Variants in GLIS3 observed in about 807,000 individuals in gnomAD.
GLIS3 encodes the protein zinc finger protein GLIS3.
In GLIS3, 53 loss-of-function variants were observed where a neutral mutation model predicts 78.6. That is an observed-to-expected ratio of 0.67 (90% CI 0.54 to 0.85). GLIS3 has a LOEUF of 0.85. GLIS3 is among the 40% of genes least tolerant of loss of function. GLIS3 has a pLI of 0.00. For synonymous variants in GLIS3, 684 were observed against 509.9 expected (o/e 1.34, Z -4.60); for missense variants, 1,703 against 1,231.1 (o/e 1.38, Z -5.74).
rs148129447 is a variant in GLIS3, at chr9:4,169,231, A to G, written c.389-43290T>C. ...GCAGACACAAGGAAAGCATGAGGAA[A>G]GTCATCAAGATTTCTACTTTGTATT... On this transcript the variant is annotated intron_variant, in intron 2 of 10. Transcript: ENST00000381971. 2.2e-4 allele frequency among the ~76,000 whole-genome samples: 33 copies of G among 152,336 alleles called. No homozygotes were observed. In the South Asian group the frequency reaches 4.8e-3, roughly 22 times the overall value.
Position 4,286,279 on chromosome 9 carries a change from G to T in GLIS3, c.147C>A (p.Pro49=), listed in dbSNP as rs764906256. ...GGTTGTTAGCAAGGCTTGCCATAGTGGGACTCGATGTGCTGCCACAGGGCG... is the reference window on the plus strand; with the variant it reads ...GGTTGTTAGCAAGGCTTGCCATAGTTGGACTCGATGTGCTGCCACAGGGCG... The part of the protein sequence containing the change: ...GPSPCGSTSS[P]TMASLANNLH... Residue 49 remains proline (P), a synonymous_variant, in exon 2 of 11, where the codon CCC becomes CCA. Transcript: ENST00000381971. 2 of 1,614,240 alleles carry T rather than the reference G, an allele frequency of 1.2e-6. No individual in the cohort carries two copies. Among genetic ancestry groups the T allele is most frequent in the East Asian group, 2.2e-5 (1 of 44,882 alleles).
chr9:4,454,080 T>C, the GLIS3 span, among the ~76,000 whole-genome samples: 80 of 151,080 alleles, frequency 5.3e-4, no homozygotes, highest in African/African-American at 1.7e-3. Flanking sequence ...TTGAGGTATA[T>C]TCCACATCTA....
chr9:4,047,433 A>G (rs193227418), intron 4 of GLIS3, among the ~76,000 whole-genome samples: 1 of 152,264 alleles, frequency 6.6e-6, no homozygotes, highest in Non-Finnish European at 1.5e-5. Flanking sequence ...TTTTTATATT[A>G]CTTTTTTAGA....
chr9:4,477,122 C>G, the GLIS3 span, among the ~76,000 whole-genome samples: 1 of 152,034 alleles, frequency 6.6e-6, no homozygotes, highest in Non-Finnish European at 1.5e-5. Context: ...TCCATATTCA[C>G]AGCATTATTA....
At chr9:4,162,230 A>T (rs1835538308) in intron 2 of GLIS3, among the ~76,000 whole-genome samples, 1 of 152,158 alleles carries the variant, frequency 6.6e-6, no homozygotes, top group South Asian at 2.1e-4. Flanking sequence ...TTTTTTAAGA[A>T]CATCAATTAC....
chr9:4,075,355 T>A (rs991145047), intron 4 of GLIS3, among the ~76,000 whole-genome samples: 1 of 146,948 alleles, frequency 6.8e-6, no homozygotes, highest in Non-Finnish European at 1.5e-5. Flanking sequence ...GATGACAAGG[T>A]CAGGAGATAG....
In GLIS3 at chr9:3,824,915, T is replaced by G. The variant is rs1461130151; in HGVS notation, c.*3357A>C. 1 of 95,974 alleles carries G rather than the reference T, an allele frequency of 1.0e-5. No homozygotes were observed. Among genetic ancestry groups the G allele is most frequent in the South Asian group, 4.0e-4 (1 of 2,470 alleles). 5.9% of individuals were successfully genotyped at this position (95,974 alleles called of 1,614,324 possible). ...AGTGCTTTTTTTTTTTTGCTTCATC[T>G]GTTGCAAAAAAAAAAAAAAATAATA... On this transcript the variant is annotated 3_prime_UTR_variant, in exon 11 of 11. Coordinates refer to ENST00000381971, the MANE Select transcript of GLIS3 (RefSeq NM_001042413.2).
intron 4 of GLIS3, among the ~76,000 whole-genome samples, chr9:4,066,582 C>G (rs926519481): frequency 6.6e-6 from 1 of 152,224 alleles, no homozygotes. Flanking sequence ...CTGCTTTCAT[C>G]TGAGCCTTAC....
chr9:3,982,545 T>C (rs946726924), intron 4 of GLIS3, among the ~76,000 whole-genome samples: 3 of 152,230 alleles, frequency 2.0e-5, no homozygotes, highest in Admixed American at 1.3e-4. Flanking sequence ...CTTCTTTTTC[T>C]TGTTGACAAA....
chr9:3,982,960 C>T (rs1819423750), intron 4 of GLIS3, among the ~76,000 whole-genome samples: 1 of 152,170 alleles, frequency 6.6e-6, no homozygotes, highest in African/African-American at 2.4e-5. Flanking sequence ...AAGTGAAGGA[C>T]ATTGATTGAG....
chr9:3,969,941 T>C (rs1427384550), intron 4 of GLIS3, among the ~76,000 whole-genome samples: 2 of 152,198 alleles, frequency 1.3e-5, no homozygotes, highest in African/African-American at 4.8e-5. Flanking sequence ...CAGGGGCAAA[T>C]CTTGCAACTT....
intron 10 of GLIS3, among the ~76,000 whole-genome samples, chr9:3,828,713 G>C (rs1402370816): frequency 6.6e-6 from 1 of 152,208 alleles, no homozygotes; most frequent in East Asian, 1.9e-4. Context: ...AGTCATGAAA[G>C]AGAATGGAAT....
At chr9:4,099,601 G>A (rs547731689) in intron 4 of GLIS3, among the ~76,000 whole-genome samples, 1 of 152,242 alleles carries the variant, frequency 6.6e-6, no homozygotes, top group South Asian at 2.1e-4. Context: ...TGAGGTACTG[G>A]GGGTGATGAC....
the GLIS3 span, among the ~76,000 whole-genome samples, chr9:4,449,708 G>A: frequency 6.6e-6 from 1 of 152,198 alleles, no homozygotes; most frequent in African/African-American, 2.4e-5. Context: ...AAGAGGGTCT[G>A]GAGTGGACCT....
At chr9:3,854,106 C>T (rs1294259191) in intron 9 of GLIS3, among the ~76,000 whole-genome samples, 4 of 152,148 alleles carry the variant, frequency 2.6e-5, no homozygotes, top group East Asian at 1.9e-4. Context: ...GCATCTACTG[C>T]CTGGAGTGGT....
intron 4 of GLIS3, among the ~76,000 whole-genome samples, chr9:3,965,970 A>G (rs752310135): frequency 1.3e-5 from 2 of 152,264 alleles, no homozygotes; most frequent in Non-Finnish European, 1.5e-5. Context: ...CTTCAGCATC[A>G]GTGTCACCTG....
At chr9:4,216,715 C>G (rs908659914) in intron 2 of GLIS3, among the ~76,000 whole-genome samples, 1 of 152,024 alleles carries the variant, frequency 6.6e-6, no homozygotes, top group African/African-American at 2.4e-5. Context: ...TCCAATGTGG[C>G]CTAGGATTCA....
chr9:4,063,756 G>T (rs367663316), intron 4 of GLIS3, among the ~76,000 whole-genome samples: 1 of 152,148 alleles, frequency 6.6e-6, no homozygotes, highest in Non-Finnish European at 1.5e-5. Flanking sequence ...AATTAAGGCA[G>T]ATGAGAGTTC....
At chr9:3,981,291 G>C (rs1588377171) in intron 4 of GLIS3, among the ~76,000 whole-genome samples, 1 of 152,288 alleles carries the variant, frequency 6.6e-6, no homozygotes, top group Admixed American at 6.5e-5. Context: ...GAATCAGAAA[G>C]TGAGTTCACC....
Sources: allele counts gnomAD v4.1 joint callset (sites outside exome capture counted in the v4.1 genomes callset), GRCh38; gene constraint gnomAD v4.1.1; transcripts MANE v1.5; gene names NCBI Gene and HGNC (gene_info 2026-07-23, HGNC 2026-07-21).